Variants in KIAA0513 observed in about 807,000 individuals in gnomAD.
KIAA0513 encodes KIAA0513.
Under a neutral mutation model 56.5 loss-of-function variants are expected in KIAA0513, and 39 were observed. That is an observed-to-expected ratio of 0.69 (90% confidence interval 0.53 to 0.90). The LOEUF is 0.90. Ranked by LOEUF, KIAA0513 falls within the 40% of genes least tolerant of loss-of-function variation. KIAA0513 has a pLI of 0.00. For synonymous variants in KIAA0513, 268 were observed against 215.6 expected (o/e 1.24, Z -2.13); for missense variants, 591 against 535.2 (o/e 1.10, Z -1.03).
rs763917683 is a variant in KIAA0513, at chr16:85,090,984, G to C, written c.*2659G>C. On this transcript the variant is annotated 3_prime_UTR_variant, in exon 13 of 13. Coordinates refer to ENST00000683363, the MANE Select transcript of KIAA0513 (RefSeq NM_001388359.1). ...TGCTCAAAGGTCCCTGCGTGGGGAG[G>C]TGTCACACCAGGGGCACACCCAGGG... 6.6e-6 allele frequency: 1 copy of C among 152,264 alleles called. No homozygotes were observed. Among genetic ancestry groups the C allele is most frequent in the Non-Finnish European group, 1.5e-5 (1 of 68,058 alleles). The allele number at this position is 152,264 out of a possible 1,614,324, so 9.4% of individuals were successfully genotyped here.
At position 85,071,769 on chromosome 16, in the gene KIAA0513, T is replaced by TG. The variant is rs775290234; in HGVS notation, c.330-14_330-13insG. 50 of 1,548,542 alleles carry TG rather than the reference T, an allele frequency of 3.2e-5. No individual in the cohort carries two copies. Among genetic ancestry groups the TG allele is most frequent in the Non-Finnish European group, 4.0e-5 (46 of 1,149,730 alleles). On this transcript the variant is annotated splice_polypyrimidine_tract_variant and intron_variant, in intron 2 of 12. Transcript: ENST00000683363. ...TTTTTTTTTTTTTCCTCTGCTCTTT[T>TG]TTTTTTTTTTTAGGGAGGACTTGGA...
At chr16:85,068,723 T>C (rs1481847654) in intron 2 of KIAA0513, among the ~76,000 whole-genome samples, 2 of 152,188 alleles carry the variant, frequency 1.3e-5, no homozygotes, top group Admixed American at 6.5e-5. Context: ...TGCCTCGGCC[T>C]CCCAAAGTGC....
At chr16:85,065,477 C>T (rs4782687) in intron 1 of KIAA0513, among the ~76,000 whole-genome samples, 69,989 of 152,088 alleles carry the variant, frequency 0.46, 17,365 homozygotes, top group African/African-American at 0.65. Flanking sequence ...CCCCTGAACA[C>T]GCCTAGCACC....
At chr16:85,086,750 A>AGAGG in intron 11 of KIAA0513, 26 bp downstream of exon 11, 1 of 1,563,220 alleles carries the variant, frequency 6.4e-7, no homozygotes, top group East Asian at 2.3e-5. Flanking sequence ...GGAAAGCGGG[A>AGAGG]GGGGAGAGGG....
chr16:85,055,035 A>G (rs2073309038), intron 1 of KIAA0513, among the ~76,000 whole-genome samples: 2 of 148,794 alleles, frequency 1.3e-5, no homozygotes, highest in Admixed American at 1.3e-4. Flanking sequence ...CAGTCCTCCC[A>G]CCTCAGCCTC....
At chr16:85,066,868 C>G (rs935627645) in intron 1 of KIAA0513, 32 bp from the exon 2 acceptor site, 2 of 506,128 alleles carry the variant, frequency 4.0e-6, no homozygotes, top group Middle Eastern at 5.0e-4. Context: ...TGAGGAGTGG[C>G]GCTAATGTCT....
Position 85,092,800 on chromosome 16 carries a change from A to G in KIAA0513, c.*4475A>G, listed in dbSNP as rs1181040436. On this transcript the variant is annotated 3_prime_UTR_variant, in exon 13 of 13. Coordinates refer to ENST00000683363, the MANE Select transcript of KIAA0513 (RefSeq NM_001388359.1). ...GCTCGCACAGGCTAAGACCACAGACAGAGCAGGGCTTCCCGGAGCCACACA... is the reference window on the plus strand; with the variant it reads ...GCTCGCACAGGCTAAGACCACAGACGGAGCAGGGCTTCCCGGAGCCACACA... The G allele has an allele frequency of 1.3e-5, 2 of 152,290 alleles. No individual in the cohort carries two copies. Among genetic ancestry groups the G allele is most frequent in the Admixed American group, 1.3e-4 (2 of 15,284 alleles). 9.4% of individuals were successfully genotyped at this position (152,290 alleles called of 1,614,324 possible). A position where few individuals can be genotyped will look rare whatever the true frequency, so the allele number is the denominator to read the frequency against.
chr16:85,092,563 C>T lies in KIAA0513; in HGVS notation c.*4238C>T, dbSNP rs1472354436. On this transcript the variant is annotated 3_prime_UTR_variant, in exon 13 of 13. Transcript: ENST00000683363. ...CCACAAGGCGAAACGGCCAGATTCT[C>T]ACTCAAGGTCGTTCTCACTCCTTTT... 8 of 152,216 alleles carry T rather than the reference C, an allele frequency of 5.3e-5. No homozygotes were observed. 9.4% of individuals were successfully genotyped at this position (152,216 alleles called of 1,614,324 possible). A position where few individuals can be genotyped will look rare whatever the true frequency, so the allele number is the denominator to read the frequency against.
chr16:85,067,165 C>T lies in KIAA0513; in HGVS notation c.94C>T (p.Gln32Ter). ...SPLEAPPPVL[Q>*]DGDGSLGDGA... The stretch of plus-strand genomic sequence containing the variant: ...CCTGGAGGCACCACCCCCTGTGCTG[C>T]AGGACGGCGATGGCTCCCTGGGGGA... The change falls in exon 2 of 13, where the codon CAG (glutamine) becomes TAG (stop). Residue 32 changes from glutamine (Q) to a stop codon, truncating the protein, a stop_gained. Transcript: ENST00000683363. LOFTEE classifies it high-confidence loss of function. The T allele has an allele frequency of 6.2e-7, 1 of 1,614,160 alleles. No homozygotes were observed. Among genetic ancestry groups the T allele is most frequent in the Non-Finnish European group, 8.5e-7 (1 of 1,180,020 alleles).
Position 85,079,184 on chromosome 16 carries a change from C to A in KIAA0513, c.902+181C>A, listed in dbSNP as rs148264392. ...TGGTGAGGATGTGGAGAAACTGGAG[C>A]TCTCCTGTATGGCTAGGAGCAATGT... is the stretch of plus-strand genomic sequence containing the variant. On this transcript the variant is annotated intron_variant, in intron 8 of 12. Coordinates refer to ENST00000683363, the MANE Select transcript of KIAA0513 (RefSeq NM_001388359.1). The A allele has an allele frequency of 1.1e-3, 1,461 of 1,332,002 alleles. 9 individuals are homozygous for A. The African/African-American group carries it at 0.017, about 15-fold the overall frequency. The allele number at this position is 1,332,002 out of a possible 1,614,324, so 82.5% of individuals were successfully genotyped here. A position where few individuals can be genotyped will look rare whatever the true frequency, so the allele number is the denominator to read the frequency against.
At chr16:85,032,640 T>C (rs989327333) in intron 1 of KIAA0513, among the ~76,000 whole-genome samples, 1 of 151,156 alleles carries the variant, frequency 6.6e-6, no homozygotes, top group African/African-American at 2.4e-5. Context: ...ACAAAGACCC[T>C]TTTTTTTTGA....
At chr16:85,056,641 G>A (rs2073334134) in intron 1 of KIAA0513, among the ~76,000 whole-genome samples, 2 of 152,268 alleles carry the variant, frequency 1.3e-5, no homozygotes, top group South Asian at 2.1e-4. Context: ...CTCGCCGAGA[G>A]CCCTTTGTTC....
intron 1 of KIAA0513, among the ~76,000 whole-genome samples, chr16:85,039,514 T>G (rs952741209): frequency 4.3e-4 from 66 of 152,258 alleles, no homozygotes; most frequent in African/African-American, 1.5e-3. Context: ...GTGTTGCCCA[T>G]GCTGGTCTTG....
At position 85,067,146 on chromosome 16, in the gene KIAA0513, G is replaced by C; in HGVS notation, c.75G>C (p.Glu25Asp). The C allele has an allele frequency of 6.2e-7, 1 of 1,613,974 alleles. No individual in the cohort carries two copies. The highest frequency in any genetic ancestry group is 8.5e-7 in the Non-Finnish European group (1 of 1,179,934). The part of the protein sequence containing the change: ...GPEAPTSSPL[E>D]APPPVLQDGD... ...AGGCACCCACCTCTTCTCCCCTGGA[G>C]GCACCACCCCCTGTGCTGCAGGACG... The change falls in exon 2 of 13, where the codon GAG (glutamate) becomes GAC (aspartate). Residue 25 changes from glutamate (E) to aspartate (D), a missense_variant. Glu to Asp is a conservative substitution (Grantham distance 45, BLOSUM62 2). Transcript: ENST00000683363.
intron 12 of KIAA0513, among the ~76,000 whole-genome samples, chr16:85,088,044 T>C (rs984272141): frequency 3.9e-5 from 6 of 152,270 alleles, no homozygotes; most frequent in Non-Finnish European, 8.8e-5. Flanking sequence ...AGCCACCTGC[T>C]TGCCCCACAG....
At chr16:85,047,957 A>G (rs1419757123) in intron 1 of KIAA0513, among the ~76,000 whole-genome samples, 2 of 152,186 alleles carry the variant, frequency 1.3e-5, no homozygotes, top group East Asian at 1.9e-4. Context: ...CCTTTTAGCC[A>G]CATTCAGTGG....
At position 85,091,835 on chromosome 16, in the gene KIAA0513, G is replaced by C. The variant is rs543002089; in HGVS notation, c.*3510G>C. 3.3e-5 allele frequency: 5 copies of C among 152,250 alleles called. No individual in the cohort carries two copies. The highest frequency in any genetic ancestry group is 1.2e-4 in the African/African-American group (5 of 41,522). 9.4% of individuals were successfully genotyped at this position (152,250 alleles called of 1,614,324 possible). On this transcript the variant is annotated 3_prime_UTR_variant, in exon 13 of 13. Transcript: ENST00000683363. ...GACATGAGGAATGCAGGTTCACACT[G>C]TAAAGAGTTTGTGAAAGGTTTCAGT...
At chr16:85,073,708 G>A (rs185000331) in intron 4 of KIAA0513, among the ~76,000 whole-genome samples, 4 of 152,300 alleles carry the variant, frequency 2.6e-5, no homozygotes, top group African/African-American at 9.6e-5. Context: ...CCGGAGCCTC[G>A]AGAGGAGGAT....
Position 85,087,056 on chromosome 16 carries a change from G to T in KIAA0513, c.1092-16G>T, listed in dbSNP as rs1340243722. ...TGGGAGGCCAGCGGGTGACGCTCTT[G>T]GGGTTTCTCCTGCAGCACATTCACG... On this transcript the variant is annotated splice_polypyrimidine_tract_variant and intron_variant, in intron 11 of 12. Transcript: ENST00000683363. The T allele has an allele frequency of 6.2e-7, 1 of 1,613,132 alleles. No individual in the cohort carries two copies. Among genetic ancestry groups the T allele is most frequent in the East Asian group, 2.2e-5 (1 of 44,872 alleles).
Sources: allele counts gnomAD v4.1 joint callset (sites outside exome capture counted in the v4.1 genomes callset), GRCh38; gene constraint gnomAD v4.1.1; transcripts MANE v1.5; gene names NCBI Gene and HGNC (gene_info 2026-07-23, HGNC 2026-07-21).